The following LRP1B variants were observed in gnomAD, a reference collection of about 807,000 sequenced individuals.
The protein encoded by LRP1B is LDL receptor related protein 1B.
In LRP1B, 217 loss-of-function variants were observed where a neutral mutation model predicts 556.6. The ratio of observed to expected loss-of-function variants is 0.39; its 90% CI spans 0.35 to 0.44. The LOEUF is 0.44. Ranked by LOEUF, LRP1B falls within the 20% of genes least tolerant of loss-of-function variation. LRP1B has a pLI of 1.00. For synonymous variants in LRP1B, 2,047 were observed against 1,865.8 expected, an observed-to-expected ratio of 1.10 and a Z score of -2.50; for missense variants, 5,053 against 5,620.8, an observed-to-expected ratio of 0.90 and a Z score of 3.23.
intron 31 of LRP1B, among the ~76,000 whole-genome samples, chr2:140,834,583 T>C (rs1263657005): frequency 6.6e-6 from 1 of 152,164 alleles, no homozygotes; most frequent in Non-Finnish European, 1.5e-5. Context: ...CTCTCTTAGA[T>C]ACTACTAAGA....
chr2:140,373,646 G>A (rs770288767), intron 68 of LRP1B, among the ~76,000 whole-genome samples: 4 of 151,956 alleles, frequency 2.6e-5, no homozygotes, highest in Admixed American at 6.6e-5. Flanking sequence ...TCTACCTGGC[G>A]CAATAGCCCC....
chr2:140,783,966 ATCCAGTAGT>A (rs1167742341), intron 32 of LRP1B, among the ~76,000 whole-genome samples: 2 of 152,170 alleles, frequency 1.3e-5, no homozygotes, highest in African/African-American at 4.8e-5. Context: ...AGACTGTATG[ATCCAGTAGT>A]TCAAGGGTGG....
chr2:141,053,207 C>A (rs988497817), intron 10 of LRP1B, among the ~76,000 whole-genome samples: 2 of 151,924 alleles, frequency 1.3e-5, no homozygotes, highest in Non-Finnish European at 2.9e-5. Flanking sequence ...TAGTGGATTT[C>A]ATTTGACTAC....
At chr2:141,089,854 T>C (rs1700134466) in intron 7 of LRP1B, among the ~76,000 whole-genome samples, 3 of 152,170 alleles carry the variant, frequency 2.0e-5, no homozygotes, top group African/African-American at 4.8e-5. Context: ...GTGCTGGCAG[T>C]TGGAAGTTGG....
intron 57 of LRP1B, among the ~76,000 whole-genome samples, chr2:140,489,655 C>T (rs1688618239): frequency 6.6e-6 from 1 of 151,972 alleles, no homozygotes; most frequent in African/African-American, 2.4e-5. Context: ...TACAATATCC[C>T]TTCTGTTCAA....
At chr2:141,306,266 C>T (rs1418699705) in intron 3 of LRP1B, among the ~76,000 whole-genome samples, 1 of 151,988 alleles carries the variant, frequency 6.6e-6, no homozygotes, top group Non-Finnish European at 1.5e-5. Flanking sequence ...CAAGTGAGGC[C>T]ATTGAGTAAT....
intron 2 of LRP1B, among the ~76,000 whole-genome samples, chr2:141,733,260 T>C (rs1465114240): frequency 6.6e-6 from 1 of 152,152 alleles, no homozygotes; most frequent in Non-Finnish European, 1.5e-5. Context: ...AAGGTTCCAG[T>C]TGCCTGAATT....
intron 3 of LRP1B, among the ~76,000 whole-genome samples, chr2:141,379,461 G>A (rs993154770): frequency 6.6e-5 from 10 of 152,132 alleles, no homozygotes; most frequent in Admixed American, 1.3e-4. Flanking sequence ...AGAGCTACAC[G>A]TAGTTCAATT....
intron 53 of LRP1B, among the ~76,000 whole-genome samples, chr2:140,504,733 C>T (rs1006768760): frequency 2.6e-5 from 4 of 152,166 alleles, no homozygotes; most frequent in Admixed American, 6.6e-5. Flanking sequence ...CCCTTTTATC[C>T]TCCATGTCCT....
intron 1 of LRP1B, among the ~76,000 whole-genome samples, chr2:141,927,837 C>T (rs1166009066): frequency 7.5e-6 from 1 of 132,962 alleles, no homozygotes; most frequent in Admixed American, 9.8e-5. Context: ...CCCCAAGCTA[C>T]AGCATCAATA....
At chr2:141,765,717 G>T (rs2105604620) in intron 2 of LRP1B, among the ~76,000 whole-genome samples, 1 of 152,292 alleles carries the variant, frequency 6.6e-6, no homozygotes, top group African/African-American at 2.4e-5. Flanking sequence ...AAGCTGTTCA[G>T]TTTCAAAGGG....
intron 2 of LRP1B, among the ~76,000 whole-genome samples, chr2:141,748,404 C>T (rs1693986871): frequency 1.3e-5 from 2 of 152,098 alleles, no homozygotes; most frequent in South Asian, 4.2e-4. Context: ...TTTTCTAGCA[C>T]AAGTTTCCCA....
At chr2:140,936,800 G>A (rs1039206745) in intron 20 of LRP1B, among the ~76,000 whole-genome samples, 1 of 152,012 alleles carries the variant, frequency 6.6e-6, no homozygotes, top group African/African-American at 2.4e-5. Flanking sequence ...AGATTAATGT[G>A]TTTTTAAAAA....
intron 1 of LRP1B, among the ~76,000 whole-genome samples, chr2:141,855,444 G>C (rs1698019911): frequency 6.6e-6 from 1 of 152,100 alleles, no homozygotes; most frequent in African/African-American, 2.4e-5. Flanking sequence ...AGGCTAGTGA[G>C]AAGAAAAGCA....
chr2:140,631,061 T>C lies in LRP1B; in HGVS notation c.6800-29422A>G, dbSNP rs151124024. Among the ~76,000 whole-genome samples, 455 of 152,238 alleles carry C rather than the reference T, an allele frequency of 3.0e-3. 6 individuals are homozygous for C. The highest frequency in any genetic ancestry group is 0.011 in the African/African-American group (440 of 41,526). On this transcript the variant is annotated intron_variant, in intron 41 of 90. Transcript: ENST00000389484. The stretch of plus-strand genomic sequence containing the variant: ...CAAGGCTCAGCCTCTCTTTGAAAAG[T>C]AGTTTTTAGGGAAACCCAAAGACAG...
chr2:141,783,340 G>A (rs2105644153), intron 2 of LRP1B, among the ~76,000 whole-genome samples: 1 of 151,904 alleles, frequency 6.6e-6, no homozygotes, highest in Admixed American at 6.6e-5. Context: ...GTAGAACCAA[G>A]GTAAAAAGAA....
chr2:141,628,859 A>T, intron 2 of LRP1B, among the ~76,000 whole-genome samples: 1 of 152,068 alleles, frequency 6.6e-6, no homozygotes, highest in East Asian at 1.9e-4. Context: ...ATTTTGCCCC[A>T]GGCTGGTCTT....
At chr2:140,904,253 G>T (rs988723998) in intron 22 of LRP1B, among the ~76,000 whole-genome samples, 1 of 152,126 alleles carries the variant, frequency 6.6e-6, no homozygotes, top group South Asian at 2.1e-4. Flanking sequence ...GAAGAAAATG[G>T]CAGATAATTG....
At chr2:140,999,734 A>G (rs1419261274) in intron 15 of LRP1B, among the ~76,000 whole-genome samples, 2 of 152,024 alleles carry the variant, frequency 1.3e-5, no homozygotes, top group African/African-American at 4.8e-5. Flanking sequence ...CCAAGAAACT[A>G]CTGAACATGT....
Sources: allele counts gnomAD v4.1 joint callset (sites outside exome capture counted in the v4.1 genomes callset), GRCh38; gene constraint gnomAD v4.1.1; transcripts MANE v1.5; gene names NCBI Gene and HGNC (gene_info 2026-07-23, HGNC 2026-07-21).